The following UBAP1 variants were observed in gnomAD, a reference collection of about 807,000 sequenced individuals.
UBAP1 encodes ubiquitin associated protein 1.
Under a neutral mutation model 39.0 loss-of-function variants are expected in UBAP1, and 5 were observed. The ratio of observed to expected loss-of-function variants is 0.13; its 90% confidence interval spans 0.07 to 0.27. The LOEUF is 0.27. Among genes scored for constraint, UBAP1 ranks in the 10% least tolerant of loss-of-function variants. The pLI is 1.00. For synonymous variants in UBAP1, 211 were observed against 225.1 expected (o/e 0.94, Z 0.56); for missense variants, 490 against 608.1 (o/e 0.81, Z 2.04).
chr9:34,199,922 A>G (rs867635061), intron 1 of UBAP1, among the ~76,000 whole-genome samples: 2 of 151,482 alleles, frequency 1.3e-5, no homozygotes, highest in South Asian at 4.2e-4. Context: ...CTGAGATTAC[A>G]GGTGTGAACC....
intron 1 of UBAP1, among the ~76,000 whole-genome samples, chr9:34,182,998 T>C (rs1000828214): frequency 6.6e-6 from 1 of 151,926 alleles, no homozygotes; most frequent in African/African-American, 2.4e-5. Context: ...CAGGATGGTC[T>C]CGATTTCCTG....
At chr9:34,187,131 C>T (rs1010009092) in intron 1 of UBAP1, among the ~76,000 whole-genome samples, 1 of 152,188 alleles carries the variant, frequency 6.6e-6, no homozygotes, top group African/African-American at 2.4e-5. Context: ...TGGTCTTGAA[C>T]TCCTGACCTC....
In UBAP1 at chr9:34,241,790, C is replaced by T. The variant is rs1833967507; in HGVS notation, c.765C>T (p.Pro255=). The T allele has an allele frequency of 3.7e-6, 6 of 1,614,102 alleles. No homozygotes were observed. Among genetic ancestry groups the T allele is most frequent in the Non-Finnish European group, 4.2e-6 (5 of 1,180,024 alleles). ...KMSLSSKVSL[P]PIPAVSNIKS... The stretch of plus-strand genomic sequence containing the variant: ...CACTGTCTTCCAAAGTGTCCCTCCC[C>T]CCTATACCTGCAGTAAGCAATATCA... Residue 255 remains proline (P), a synonymous_variant, in exon 4 of 7, where the codon CCC becomes CCT. Coordinates refer to ENST00000297661, the MANE Select transcript of UBAP1 (RefSeq NM_016525.5).
chr9:34,194,647 A>G (rs939905573), intron 1 of UBAP1, among the ~76,000 whole-genome samples: 1 of 152,216 alleles, frequency 6.6e-6, no homozygotes, highest in African/African-American at 2.4e-5. Context: ...CATTGGAAAT[A>G]TCCACTATTA....
At chr9:34,216,666 T>C (rs1309460293) in intron 1 of UBAP1, among the ~76,000 whole-genome samples, 1 of 141,848 alleles carries the variant, frequency 7.0e-6, no homozygotes, top group Non-Finnish European at 1.5e-5. Context: ...TTTTTTTTTT[T>C]TTTTGAGACT....
At chr9:34,199,114 C>T (rs1343386012) in intron 1 of UBAP1, among the ~76,000 whole-genome samples, 2 of 152,192 alleles carry the variant, frequency 1.3e-5, no homozygotes, top group African/African-American at 2.4e-5. Flanking sequence ...CGCTCTGTCG[C>T]GCAGGCTGGA....
intron 1 of UBAP1, among the ~76,000 whole-genome samples, chr9:34,187,869 G>GACA (rs1830491523): frequency 6.7e-6 from 1 of 149,958 alleles, no homozygotes; most frequent in Admixed American, 6.6e-5. Flanking sequence ...TTGGACTTGT[G>GACA]TGTCTCCTAT....
intron 1 of UBAP1, among the ~76,000 whole-genome samples, chr9:34,193,093 G>A (rs1252689646): frequency 6.6e-6 from 1 of 152,046 alleles, no homozygotes; most frequent in African/African-American, 2.4e-5. Flanking sequence ...GATCACTTGA[G>A]GTCAGGAGTT....
At chr9:34,237,043 A>G (rs1398889754) in intron 3 of UBAP1, among the ~76,000 whole-genome samples, 3 of 152,110 alleles carry the variant, frequency 2.0e-5, no homozygotes, top group East Asian at 3.9e-4. Context: ...ACTCCGTTCA[A>G]ATCTATTCTA....
intron 1 of UBAP1, among the ~76,000 whole-genome samples, chr9:34,212,545 C>T (rs1261929971): frequency 6.0e-5 from 9 of 149,676 alleles, no homozygotes; most frequent in Admixed American, 6.0e-4. Context: ...ACAACGTTAT[C>T]TTCTGGATTT....
At chr9:34,208,022 A>T (rs998673669) in intron 1 of UBAP1, among the ~76,000 whole-genome samples, 11 of 152,184 alleles carry the variant, frequency 7.2e-5, no homozygotes, top group Non-Finnish European at 1.5e-4. Flanking sequence ...ACTAGTCAGC[A>T]TAATCTGGTA....
chr9:34,180,770 T>G (rs1829970634), intron 1 of UBAP1, among the ~76,000 whole-genome samples: 1 of 151,878 alleles, frequency 6.6e-6, no homozygotes, highest in African/African-American at 2.4e-5. Flanking sequence ...TTTACTAACC[T>G]GCTAGAACCT....
chr9:34,224,346 G>C (rs1345131384), intron 2 of UBAP1: 1 of 447,796 alleles, frequency 2.2e-6, no homozygotes, highest in Non-Finnish European at 4.2e-6. Flanking sequence ...TCTTCACCAG[G>C]GTCTTGTTAT....
intron 1 of UBAP1, among the ~76,000 whole-genome samples, chr9:34,184,926 C>CTTTTTTTTT (rs35634769): frequency 1.9e-5 from 2 of 105,030 alleles, no homozygotes; most frequent in Non-Finnish European, 3.9e-5. Context: ...CCAGCCAATC[C>CTTTTTTTTT]TTTTTTTTTT....
intron 1 of UBAP1, among the ~76,000 whole-genome samples, chr9:34,180,385 G>A (rs1164396183): frequency 6.6e-6 from 1 of 151,992 alleles, no homozygotes; most frequent in Non-Finnish European, 1.5e-5. Flanking sequence ...GCAGGCGCCT[G>A]TAATCCCAGC....
rs1427422547 is a variant in UBAP1, at chr9:34,234,796, G to A, written c.159+456G>A. Among the ~76,000 whole-genome samples, 3 of 152,150 alleles carry A rather than the reference G, an allele frequency of 2.0e-5. No individual in the cohort carries two copies. The East Asian group carries it at 5.8e-4, about 29-fold the overall frequency. On this transcript the variant is annotated intron_variant, in intron 3 of 6. Transcript: ENST00000297661. Reference sequence around the variant, plus strand: ...TAGCACATACAATTCAGTATAGTATGTAATACAAATAAATGACTATGTTAC... The same window carrying A: ...TAGCACATACAATTCAGTATAGTATATAATACAAATAAATGACTATGTTAC...
At chr9:34,203,286 G>A (rs1831501974) in intron 1 of UBAP1, among the ~76,000 whole-genome samples, 1 of 152,124 alleles carries the variant, frequency 6.6e-6, no homozygotes, top group Non-Finnish European at 1.5e-5. Flanking sequence ...CTCCAACCTG[G>A]GCTGTTCAGA....
chr9:34,233,514 G>A (rs1222176931), intron 2 of UBAP1, among the ~76,000 whole-genome samples: 11 of 152,032 alleles, frequency 7.2e-5, no homozygotes, highest in Non-Finnish European at 1.5e-5. Flanking sequence ...CTTTTCTGGG[G>A]AGTCTCATCC....
chr9:34,242,546 T>G (rs949631356), intron 4 of UBAP1, among the ~76,000 whole-genome samples: 4 of 152,182 alleles, frequency 2.6e-5, no homozygotes, highest in Non-Finnish European at 4.4e-5. Flanking sequence ...TTTCTTTTTT[T>G]TGAGACAGAG....
Sources: gnomAD v4.1 joint callset for allele counts (sites outside exome capture counted in the v4.1 genomes callset) on GRCh38, gnomAD v4.1.1 for gene constraint, MANE v1.5 for transcripts, NCBI Gene and HGNC (gene_info 2026-07-23, HGNC 2026-07-21) for gene names.